Variants in BRF1 observed in about 807,000 individuals in gnomAD.
BRF1 encodes transcription factor IIIB 90 kDa subunit.
Under a neutral mutation model 81.7 loss-of-function variants are expected in BRF1, and 59 were observed. The observed-to-expected ratio is 0.72, with a 90% confidence interval of 0.59 to 0.90. The LOEUF is 0.90. BRF1 is among the 40% of genes least tolerant of loss of function. The pLI, the probability that BRF1 is intolerant of heterozygous loss-of-function variation, is 0.00. For synonymous variants in BRF1, 491 were observed against 395.6 expected (o/e 1.24, Z -2.86); for missense variants, 1,050 against 936.3 (o/e 1.12, Z -1.58).
chr14:105,255,805 G>A (rs1391151336), intron 4 of BRF1, among the ~76,000 whole-genome samples: 10 of 152,176 alleles, frequency 6.6e-5, no homozygotes, highest in Admixed American at 6.5e-4. Flanking sequence ...CAAACAGACT[G>A]TAATATAAGA....
chr14:105,308,116 G>A (rs587746950), intron 1 of BRF1, among the ~76,000 whole-genome samples: 1 of 152,226 alleles, frequency 6.6e-6, no homozygotes, highest in Admixed American at 6.5e-5. Flanking sequence ...CCAGGTGACT[G>A]AGGCTGCAGT....
chr14:105,307,881 C>T (rs1188818950), intron 1 of BRF1, among the ~76,000 whole-genome samples: 7 of 152,214 alleles, frequency 4.6e-5, no homozygotes, highest in Admixed American at 2.0e-4. Flanking sequence ...GTCCACCTTC[C>T]ACCACAGAAG....
intron 12 of BRF1, 111 bp downstream of exon 12, chr14:105,219,958 G>A: frequency 1.7e-6 from 2 of 1,161,494 alleles, no homozygotes; most frequent in East Asian, 2.5e-5. Context: ...CACCCAGCGG[G>A]GTGGGCTCTG....
At chr14:105,270,959 C>T (rs2056627659) in intron 3 of BRF1, among the ~76,000 whole-genome samples, 1 of 152,064 alleles carries the variant, frequency 6.6e-6, no homozygotes, top group African/African-American at 2.4e-5. Flanking sequence ...GGACACCCCT[C>T]GAGGGGGACC....
Position 105,221,810 on chromosome 14 carries a change from G to A in BRF1, c.1153C>T (p.Leu385Phe), listed in dbSNP as rs772501736. 2.0e-5 allele frequency: 32 copies of A among 1,611,568 alleles called. No individual in the cohort carries two copies. Among genetic ancestry groups the A allele is most frequent in the Non-Finnish European group, 8.5e-6 (10 of 1,179,592 alleles). ...SHLNKDLYRELLGGAPGSSEA... is the reference protein window; with the variant it reads ...SHLNKDLYREFLGGAPGSSEA... ...GAGCTGCCGGGGGCACCACCAAGGA[G>A]CTCCCGGTATAAGTCTTTGTTCAGG... Residue 385 changes from leucine (L) to phenylalanine (F), a missense_variant, in exon 11 of 18, where the codon CTC becomes TTC. Leu to Phe is a conservative substitution (Grantham distance 22). This residue lies in a region of BRF1 where 1,043 missense variants were observed against 915.4 expected (regional missense o/e 1.14). Coordinates refer to ENST00000547530, the MANE Select transcript of BRF1 (RefSeq NM_001519.4).
chr14:105,220,750 A>G (rs1354480937), intron 11 of BRF1, among the ~76,000 whole-genome samples: 1 of 152,176 alleles, frequency 6.6e-6, no homozygotes, highest in Non-Finnish European at 1.5e-5. Flanking sequence ...CCGTGCTGCC[A>G]AGTCAACTCC....
intron 1 of BRF1, among the ~76,000 whole-genome samples, chr14:105,312,425 A>C (rs1475313198): frequency 6.6e-6 from 1 of 152,238 alleles, no homozygotes; most frequent in African/African-American, 2.4e-5. Flanking sequence ...CAGGGCTCTG[A>C]AGGATCCTCT....
upstream of BRF1, among the ~76,000 whole-genome samples, chr14:105,303,120 G>T (rs902355135): frequency 6.6e-6 from 1 of 152,122 alleles, no homozygotes; most frequent in Non-Finnish European, 1.5e-5. Context: ...GTAGAGATGG[G>T]GTTTCACCAT....
Position 105,228,826 on chromosome 14 carries a change from C to T in BRF1, c.782G>A (p.Arg261Gln), listed in dbSNP as rs151290358. 350 of 1,613,770 alleles carry T rather than the reference C, an allele frequency of 2.2e-4. No homozygotes were observed. Among genetic ancestry groups the T allele is most frequent in the Non-Finnish European group, 2.2e-4 (255 of 1,180,010 alleles). The stretch of plus-strand genomic sequence containing the variant: ...ATGAATGAGAGCCCCTCACCTCTTC[C>T]GCAGCGTGGACTCACACACTTTGAC... Reference protein sequence around the residue: ...SVVKVCESTLRKRLTEFEDTP... With the variant: ...SVVKVCESTLQKRLTEFEDTP... The change falls in exon 7 of 18, where the codon CGG (arginine) becomes CAG (glutamine). Residue 261 changes from arginine to glutamine, a missense_variant. Physicochemically the swap from Arg to Gln is conservative, Grantham distance 43 (BLOSUM62 1). Around this residue, in one of 2 missense-constraint regions of BRF1, gnomAD observed 1,043 missense variants for 915.4 expected, o/e 1.14. Coordinates refer to ENST00000547530, the MANE Select transcript of BRF1 (RefSeq NM_001519.4).
chr14:105,219,189 C>G lies in BRF1; in HGVS notation c.1421G>C (p.Trp474Ser). The change falls in exon 13 of 18, where the codon TGG (tryptophan) becomes TCG (serine). Residue 474 changes from tryptophan (W) to serine (S), a missense_variant. This residue lies in a region of BRF1 where 1,043 missense variants were observed against 915.4 expected (regional missense o/e 1.14). Transcript: ENST00000547530. The stretch of plus-strand genomic sequence containing the variant: ...CAGGTACTCGGCGTTCTCCCTCATC[C>G]ACAGCTCGGCCTTCACGCGGGCTTC... ...ESEARVKAELWMRENAEYLRE... is the reference protein window; with the variant it reads ...ESEARVKAELSMRENAEYLRE... The G allele has an allele frequency of 6.2e-7, 1 of 1,612,706 alleles. No homozygotes were observed. The highest frequency in any genetic ancestry group is 8.5e-7 in the Non-Finnish European group (1 of 1,178,996).
In BRF1 at chr14:105,258,528, T is replaced by C. The variant is rs587764904; in HGVS notation, c.440-1979A>G. 1.0e-3 allele frequency among the ~76,000 whole-genome samples: 144 copies of C among 144,080 alleles called. 1 individual carries two copies. In the South Asian group the frequency reaches 0.015, roughly 15 times the overall value. 94.5% of individuals were successfully genotyped at this position (144,080 alleles called of 152,430 possible). A position where few individuals can be genotyped will look rare whatever the true frequency, so the allele number is the denominator to read the frequency against. ...AAATGAACTCTAAGGCCAGGCGCAG[T>C]GGCTCACGCCTGTAATCCCAACACT... On this transcript the variant is annotated intron_variant, in intron 3 of 17. Coordinates refer to ENST00000547530, the MANE Select transcript of BRF1 (RefSeq NM_001519.4).
rs75674876 is a variant in BRF1 at position 105,221,963 on chromosome 14, C to T, written c.1049-49G>A. ...TAACCAGGCAGAGGGCCAGGGTGCC[C>T]GCTTTTGTGACAAAAAACAATGCTA... On this transcript the variant is annotated intron_variant, in intron 10 of 17. Transcript: ENST00000547530. 8,913 of 1,504,286 alleles carry T rather than the reference C, an allele frequency of 5.9e-3. 187 individuals are homozygous for T. The Admixed American group carries it at 0.071, about 12-fold the overall frequency. 93.2% of individuals were successfully genotyped at this position (1,504,286 alleles called of 1,614,324 possible). A position where few individuals can be genotyped will look rare whatever the true frequency, so the allele number is the denominator to read the frequency against.
At chr14:105,243,509 T>C (rs2054864898) in intron 5 of BRF1, among the ~76,000 whole-genome samples, 1 of 150,392 alleles carries the variant, frequency 6.6e-6, no homozygotes, top group Non-Finnish European at 1.5e-5. Flanking sequence ...TCCCAGCTAC[T>C]GAGGAGGCTG....
Position 105,300,738 on chromosome 14 carries a change from G to C in BRF1, c.-109C>G. On this transcript the variant is annotated 5_prime_UTR_variant, in exon 1 of 18. Transcript: ENST00000547530. ...CAGGCCCAGCCGCCCAGGCCTCGCC[G>C]CTCTCGCGAGGCCCCGCTCCAGCCG... 2.4e-6 allele frequency: 2 copies of C among 845,596 alleles called. No individual in the cohort carries two copies. Among genetic ancestry groups the C allele is most frequent in the Non-Finnish European group, 3.1e-6 (2 of 647,302 alleles). 52.4% of individuals were successfully genotyped at this position (845,596 alleles called of 1,614,324 possible).
Position 105,271,940 on chromosome 14 carries a change from G to A in BRF1, c.439+781C>T, listed in dbSNP as rs1355286803. Among the ~76,000 whole-genome samples, 24 of 3,438 alleles carry A rather than the reference G, an allele frequency of 7.0e-3. No homozygotes were observed. The highest frequency in any genetic ancestry group is 0.031 in the African/African-American group (22 of 700). The allele number at this position is 3,438 out of a possible 152,430, so 2.3% of individuals were successfully genotyped here. On this transcript the variant is annotated intron_variant, in intron 3 of 17. Transcript: ENST00000547530. This position sits in a 1 kb window ranked among gnomAD's most constrained non-coding sequence, Gnocchi z 5.5. ...CCCGCCCACCGCCTGCAGTCACGGT[G>A]TCCACGCACAAGGCCAAGCTGCACA...
Position 105,286,311 on chromosome 14 carries a change from G to A in BRF1, c.250C>T (p.Gln84Ter), listed in dbSNP as rs1483336295. 1 of 1,613,478 alleles carries A rather than the reference G, an allele frequency of 6.2e-7. No individual in the cohort carries two copies. The highest frequency in any genetic ancestry group is 8.5e-7 in the Non-Finnish European group (1 of 1,179,816). ...TGGGAAATACCATTCTGCAGGGTCT[G>A]CGCTCTCGACTCCTTCCCCAGATTC... ...HVNLGKESRA[Q>*]TLQNGRRHIH... The change falls in exon 2 of 18, where the codon CAG becomes TAG. Residue 84 changes from glutamine (Q) to a stop codon, truncating the protein, a stop_gained. Transcript: ENST00000547530. LOFTEE classifies it high-confidence loss of function.
At chr14:105,258,984 A>C (rs2140334881) in intron 3 of BRF1, among the ~76,000 whole-genome samples, 1 of 152,322 alleles carries the variant, frequency 6.6e-6, no homozygotes, top group South Asian at 2.1e-4. Context: ...CCGCGACGTC[A>C]CTGAATGCCG....
chr14:105,252,549 G>C lies in BRF1; in HGVS notation c.502C>G (p.Leu168Val), dbSNP rs2055671234. 5.0e-6 allele frequency: 8 copies of C among 1,613,918 alleles called. No individual in the cohort carries two copies. The highest frequency in any genetic ancestry group is 6.8e-6 in the Non-Finnish European group (8 of 1,179,986). Residue 168 changes from leucine (L) to valine (V), a missense_variant, in exon 5 of 18, where the codon CTT (leucine) becomes GTT (valine). Transcript: ENST00000547530. ...ATGCAGAGCTCTCTTGCCAAGAGAA[G>C]AAACGTCTTTCCAAGCACGTACACA... ...VNVYVLGKTFLLLARELCINA... is the reference protein window; with the variant it reads ...VNVYVLGKTFVLLARELCINA...
chr14:105,280,135 G>C (rs2057008355), intron 2 of BRF1, among the ~76,000 whole-genome samples: 1 of 152,222 alleles, frequency 6.6e-6, no homozygotes, highest in African/African-American at 2.4e-5. Flanking sequence ...CCCAAGCCCA[G>C]ATTCCCTTCA....
Sources: gnomAD v4.1 joint callset for allele counts (sites outside exome capture counted in the v4.1 genomes callset) on GRCh38, gnomAD v4.1.1 for gene constraint, gnomAD v4.1.1 regional missense constraint, Gnocchi (gnomAD v3.1) non-coding constraint, MANE v1.5 for transcripts, NCBI Gene and HGNC (gene_info 2026-07-23, HGNC 2026-07-21) for gene names.